Variants in SLC35F1 observed in about 807,000 individuals in gnomAD.
SLC35F1 encodes chromosome 6 open reading frame 169.
Under a neutral mutation model 48.7 loss-of-function variants are expected in SLC35F1, and 14 were observed. The ratio of observed to expected loss-of-function variants is 0.29; its 90% CI spans 0.19 to 0.45. The LOEUF (loss-of-function observed/expected upper bound fraction) is 0.45, where lower values mean the gene tolerates loss of function less well. SLC35F1 is among the 20% of genes least tolerant of loss of function. SLC35F1 has a pLI of 1.00. For missense variants in SLC35F1, 404 were observed against 500.0 expected (o/e 0.81, Z 1.83); for synonymous variants, 190 against 202.2 (o/e 0.94, Z 0.51).
At chr6:118,259,242 A>G (rs56240052) in intron 3 of SLC35F1, among the ~76,000 whole-genome samples, 3,493 of 152,132 alleles carry the variant, frequency 0.023, 66 homozygotes, top group Middle Eastern at 0.085. Flanking sequence ...ACAAATTGAT[A>G]GGAGTACAGT....
chr6:118,035,836 C>T (rs1373018016), intron 1 of SLC35F1, among the ~76,000 whole-genome samples: 2 of 1,212 alleles, frequency 1.7e-3, no homozygotes, highest in Non-Finnish European at 5.1e-3. Context: ...CTACAGGCGC[C>T]CCCCCAACCA....
chr6:118,130,792 C>T (rs559024288), intron 1 of SLC35F1, among the ~76,000 whole-genome samples: 7 of 151,802 alleles, frequency 4.6e-5, no homozygotes, highest in East Asian at 3.9e-4. Flanking sequence ...TACAGTAAGA[C>T]AGGATTTGAG....
intron 3 of SLC35F1, among the ~76,000 whole-genome samples, chr6:118,265,033 G>A (rs1020647134): frequency 2.0e-5 from 3 of 152,318 alleles, no homozygotes; most frequent in Non-Finnish European, 2.9e-5. Context: ...TAGCATTCAC[G>A]TGGTCCTTCC....
At chr6:117,998,934 C>T (rs964396982) in intron 1 of SLC35F1, 134 of 797,868 alleles carry the variant, frequency 1.7e-4, no homozygotes, top group Admixed American at 9.0e-4. Context: ...TCAGCTCTTC[C>T]GGTTCTAGGC....
intron 1 of SLC35F1, among the ~76,000 whole-genome samples, chr6:118,011,460 A>G (rs796581217): frequency 1.3e-5 from 2 of 152,098 alleles, no homozygotes; most frequent in East Asian, 3.9e-4. Flanking sequence ...TTACTATCAC[A>G]AGAACAGCAA....
At chr6:118,088,703 T>C (rs1773028169) in intron 1 of SLC35F1, among the ~76,000 whole-genome samples, 1 of 152,202 alleles carries the variant, frequency 6.6e-6, no homozygotes, top group African/African-American at 2.4e-5. Context: ...TGTGCAAGTT[T>C]ACATTAAACA....
At chr6:118,109,919 C>T (rs1470626586) in intron 1 of SLC35F1, among the ~76,000 whole-genome samples, 1 of 152,198 alleles carries the variant, frequency 6.6e-6, no homozygotes, top group African/African-American at 2.4e-5. Flanking sequence ...AGGGCTTTCC[C>T]TCTGTGAGGG....
chr6:118,038,333 C>T (rs968164503), intron 1 of SLC35F1, among the ~76,000 whole-genome samples: 4 of 151,618 alleles, frequency 2.6e-5, no homozygotes, highest in African/African-American at 9.7e-5. Flanking sequence ...TTCTCTTTGG[C>T]CTAAACAACT....
chr6:118,210,442 C>A (rs559862735), intron 2 of SLC35F1, among the ~76,000 whole-genome samples: 1 of 152,128 alleles, frequency 6.6e-6, no homozygotes, highest in Non-Finnish European at 1.5e-5. Context: ...GAATTAAAAA[C>A]AAAACAGCAA....
chr6:118,044,822 CT>C (rs1224813148), intron 1 of SLC35F1, among the ~76,000 whole-genome samples: 2 of 152,164 alleles, frequency 1.3e-5, no homozygotes, highest in Non-Finnish European at 1.5e-5. Context: ...ACTGCTTAGC[CT>C]CCCACATTCT....
At chr6:118,083,930 G>T (rs543452121) in intron 1 of SLC35F1, among the ~76,000 whole-genome samples, 1 of 152,318 alleles carries the variant, frequency 6.6e-6, no homozygotes, top group Admixed American at 6.5e-5. Context: ...TGGCCACTCT[G>T]CTGTCTCTTT....
intron 2 of SLC35F1, among the ~76,000 whole-genome samples, chr6:118,212,782 GGAAGGAAGGAAA>G (rs1217088045): frequency 6.5e-4 from 92 of 141,288 alleles, no homozygotes; most frequent in African/African-American, 2.4e-3. Flanking sequence ...AAGGAAGGAA[GGAAGGAAGGAAA>G]GAAGGAAGGG....
At chr6:118,295,378 T>C (rs1381383720) in intron 7 of SLC35F1, among the ~76,000 whole-genome samples, 2 of 152,328 alleles carry the variant, frequency 1.3e-5, no homozygotes, top group Non-Finnish European at 2.9e-5. Flanking sequence ...GGCAGATTAA[T>C]GCAAAGGATA....
chr6:118,289,251 G>T (rs905079027), intron 7 of SLC35F1, among the ~76,000 whole-genome samples: 1 of 152,152 alleles, frequency 6.6e-6, no homozygotes, highest in Non-Finnish European at 1.5e-5. Flanking sequence ...GTCACCTGGT[G>T]AAGGACATCT....
intron 4 of SLC35F1, among the ~76,000 whole-genome samples, chr6:118,268,600 A>T (rs190573731): frequency 6.4e-4 from 56 of 87,864 alleles, no homozygotes; most frequent in Non-Finnish European, 6.6e-4. Flanking sequence ...ATATATATAT[A>T]TTTTTTTTTT....
chr6:118,290,535 TC>T (rs1468691925), intron 7 of SLC35F1, among the ~76,000 whole-genome samples: 2 of 151,766 alleles, frequency 1.3e-5, no homozygotes, highest in South Asian at 4.2e-4. Context: ...AGCAAAATAC[TC>T]AATTAATTTA....
chr6:118,114,956 TCAGAGAAG>T (rs1420433438), intron 1 of SLC35F1, among the ~76,000 whole-genome samples: 3 of 152,180 alleles, frequency 2.0e-5, no homozygotes, highest in Non-Finnish European at 4.4e-5. Flanking sequence ...AAATGACTGT[TCAGAGAAG>T]CAGCATCTAG....
At chr6:118,153,839 C>T (rs1442094170) in intron 1 of SLC35F1, among the ~76,000 whole-genome samples, 2 of 152,154 alleles carry the variant, frequency 1.3e-5, no homozygotes, top group Non-Finnish European at 2.9e-5. Flanking sequence ...ACACCTAATG[C>T]TCATCAAAGC....
chr6:118,216,235 G>C (rs1775070627), intron 2 of SLC35F1, among the ~76,000 whole-genome samples: 2 of 151,038 alleles, frequency 1.3e-5, no homozygotes, highest in Admixed American at 1.3e-4. Context: ...ATACCACAAT[G>C]CCTGGCTAAT....
Sources: allele counts gnomAD v4.1 joint callset (sites outside exome capture counted in the v4.1 genomes callset), GRCh38; gene constraint gnomAD v4.1.1; transcripts MANE v1.5; gene names NCBI Gene and HGNC (gene_info 2026-07-23, HGNC 2026-07-21).